Variants in SORCS1 observed in about 807,000 individuals in gnomAD.
SORCS1 encodes the protein VPS10 domain-containing receptor SorCS1.
In SORCS1, 60 loss-of-function variants were observed where a neutral mutation model predicts 146.1. That is an observed-to-expected ratio of 0.41 (90% CI 0.33 to 0.51). The LOEUF (loss-of-function observed/expected upper bound fraction) is 0.51, where lower values mean the gene tolerates loss of function less well. Ranked by LOEUF, SORCS1 falls within the 20% of genes least tolerant of loss-of-function variation. The probability of loss-of-function intolerance (pLI) is 0.21; values close to 1 mark genes in which losing one functional copy is unlikely to be tolerated. For synonymous variants in SORCS1, 637 were observed against 584.0 expected, an observed-to-expected ratio of 1.09 and a Z score of -1.31; for missense variants, 1,352 against 1,487.6, an observed-to-expected ratio of 0.91 and a Z score of 1.50.
intron 6 of SORCS1, among the ~76,000 whole-genome samples, chr10:106,729,400 C>T (rs1564905589): frequency 6.6e-6 from 1 of 152,052 alleles, no homozygotes; most frequent in Non-Finnish European, 1.5e-5. Flanking sequence ...GACTCTCCTC[C>T]TGCTGCCTCT....
At chr10:107,038,638 G>A (rs922106161) in intron 1 of SORCS1, among the ~76,000 whole-genome samples, 2 of 151,660 alleles carry the variant, frequency 1.3e-5, no homozygotes. Context: ...TTTTAAACTG[G>A]TAAAATGGGG....
chr10:106,730,221 A>C, intron 5 of SORCS1, 107 bp from the exon 6 acceptor site: 1 of 952,242 alleles, frequency 1.1e-6, no homozygotes, highest in Non-Finnish European at 1.7e-6. Context: ...CAGGCATCTA[A>C]ACCCACAATC....
At chr10:106,698,226 TA>T (rs1054926409) in intron 9 of SORCS1, among the ~76,000 whole-genome samples, 1 of 152,250 alleles carries the variant, frequency 6.6e-6, no homozygotes, top group Non-Finnish European at 1.5e-5. Flanking sequence ...AATGATAGGT[TA>T]AAATTTCTTA....
chr10:106,735,349 A>C (rs2756238), intron 5 of SORCS1, among the ~76,000 whole-genome samples: 130,057 of 151,646 alleles, frequency 0.86, 57,271 homozygotes, highest in Non-Finnish European at 0.96. Flanking sequence ...AATAAGAATG[A>C]GGGCTACATA....
intron 1 of SORCS1, among the ~76,000 whole-genome samples, chr10:107,124,091 A>AC (rs1287159702): frequency 6.6e-6 from 1 of 151,968 alleles, no homozygotes; most frequent in Non-Finnish European, 1.5e-5. Context: ...CGTCTCAAAA[A>AC]AAAAAAAAAA....
intron 1 of SORCS1, among the ~76,000 whole-genome samples, chr10:107,065,089 T>C (rs1463366762): frequency 6.6e-6 from 1 of 152,146 alleles, no homozygotes; most frequent in African/African-American, 2.4e-5. Context: ...GACTGACAGG[T>C]TGTTGAAGAC....
At chr10:106,622,117 C>T (rs192869798) in intron 19 of SORCS1, among the ~76,000 whole-genome samples, 1 of 151,782 alleles carries the variant, frequency 6.6e-6, no homozygotes, top group African/African-American at 2.4e-5. Flanking sequence ...TGGTGAAACC[C>T]CATCTCTACT....
intron 24 of SORCS1, among the ~76,000 whole-genome samples, chr10:106,595,357 T>C (rs1037126671): frequency 3.3e-5 from 5 of 152,286 alleles, no homozygotes; most frequent in African/African-American, 1.2e-4. Flanking sequence ...AGATGTGCCC[T>C]ACTCAATCCT....
intron 1 of SORCS1, among the ~76,000 whole-genome samples, chr10:107,012,194 T>G (rs572253723): frequency 6.6e-6 from 1 of 152,316 alleles, no homozygotes; most frequent in South Asian, 2.1e-4. Context: ...TTTTCCAAGT[T>G]GTGGTTTAGC....
chr10:106,978,107 CTGT>C (rs1956108396), intron 1 of SORCS1, among the ~76,000 whole-genome samples: 1 of 152,106 alleles, frequency 6.6e-6, no homozygotes, highest in Non-Finnish European at 1.5e-5. Context: ...TCACATCCGG[CTGT>C]TGTTTTGTAT....
At chr10:107,179,025 C>T in the SORCS1 span, among the ~76,000 whole-genome samples, 2 of 152,072 alleles carry the variant, frequency 1.3e-5, no homozygotes, top group Non-Finnish European at 2.9e-5. Context: ...TTTTCATTTT[C>T]TGCAAAGTCT....
At chr10:107,044,750 T>C (rs1478472642) in intron 1 of SORCS1, among the ~76,000 whole-genome samples, 3 of 148,382 alleles carry the variant, frequency 2.0e-5, no homozygotes, top group Non-Finnish European at 4.5e-5. Context: ...TTGAGTAGGT[T>C]GCAGTGAGCC....
At chr10:107,063,567 T>C (rs1961445815) in intron 1 of SORCS1, among the ~76,000 whole-genome samples, 1 of 152,214 alleles carries the variant, frequency 6.6e-6, no homozygotes, top group Non-Finnish European at 1.5e-5. Context: ...CAATTTAATA[T>C]CCTTTTGATA....
At chr10:107,145,462 C>A (rs1313600531) in intron 1 of SORCS1, among the ~76,000 whole-genome samples, 5 of 152,158 alleles carry the variant, frequency 3.3e-5, no homozygotes, top group Non-Finnish European at 7.3e-5. Flanking sequence ...GGTCCAAATA[C>A]TGCATTTTAA....
intron 1 of SORCS1, among the ~76,000 whole-genome samples, chr10:107,109,708 T>A (rs1313322849): frequency 6.6e-6 from 1 of 152,250 alleles, no homozygotes; most frequent in Admixed American, 6.5e-5. Context: ...GGTTGCTACG[T>A]AGCCTGCTTG....
chr10:106,770,143 A>C (rs745852792), intron 4 of SORCS1, among the ~76,000 whole-genome samples: 6 of 152,200 alleles, frequency 3.9e-5, no homozygotes, highest in Non-Finnish European at 8.8e-5. Context: ...GAACCTCCCT[A>C]TCAAAGCCTG....
intron 2 of SORCS1, among the ~76,000 whole-genome samples, chr10:106,885,462 T>C (rs991348790): frequency 6.6e-6 from 1 of 152,150 alleles, no homozygotes; most frequent in African/African-American, 2.4e-5. Context: ...CTAAAAATGA[T>C]TTTTGCCCAT....
intron 3 of SORCS1, among the ~76,000 whole-genome samples, chr10:106,792,105 C>G (rs1352665052): frequency 6.6e-6 from 1 of 152,184 alleles, no homozygotes; most frequent in Non-Finnish European, 1.5e-5. Context: ...TTTCTATCTT[C>G]ATCTACATTT....
intron 17 of SORCS1, among the ~76,000 whole-genome samples, chr10:106,666,906 G>A (rs1015480105): frequency 2.0e-5 from 3 of 151,734 alleles, no homozygotes; most frequent in Non-Finnish European, 2.9e-5. Context: ...ACATCCTATT[G>A]GTTTTGTTTC....
Sources: gnomAD v4.1 joint callset for allele counts (sites outside exome capture counted in the v4.1 genomes callset) on GRCh38, gnomAD v4.1.1 for gene constraint, MANE v1.5 for transcripts, NCBI Gene and HGNC (gene_info 2026-07-23, HGNC 2026-07-21) for gene names.